The following DPP6 variants were observed in gnomAD, a reference collection of about 807,000 sequenced individuals.
DPP6 encodes the protein A-type potassium channel modulatory protein DPP6.
A neutral mutation model predicts 122.6 loss-of-function variants in DPP6; 69 were observed. That is an observed-to-expected ratio of 0.56 (90% CI 0.46 to 0.69). The LOEUF (loss-of-function observed/expected upper bound fraction) is 0.69, where lower values mean the gene tolerates loss of function less well. DPP6 is among the 30% of genes least tolerant of loss of function. The pLI is 0.00. For synonymous variants in DPP6, 418 were observed against 433.1 expected (o/e 0.97, Z 0.43); for missense variants, 928 against 1,116.9 (o/e 0.83, Z 2.41).
chr7:154,661,098 G>A (rs868020702), intron 6 of DPP6, among the ~76,000 whole-genome samples: 69 of 394 alleles, frequency 0.18, no homozygotes, highest in South Asian at 0.33. Context: ...TCACCATGGC[G>A]TATTGGCGCT....
chr7:154,153,951 A>G (rs1585503284), intron 1 of DPP6, among the ~76,000 whole-genome samples: 1 of 152,252 alleles, frequency 6.6e-6, no homozygotes, highest in Admixed American at 6.5e-5. Context: ...CTTTGGTTAG[A>G]GCATTTAGAG....
chr7:154,713,904 T>C (rs1170095495), intron 7 of DPP6, among the ~76,000 whole-genome samples: 1 of 152,234 alleles, frequency 6.6e-6, no homozygotes, highest in Non-Finnish European at 1.5e-5. Flanking sequence ...TATCGCATCA[T>C]CAGATGGCAA....
chr7:153,765,541 TAAAAAAACAAAAA>T, the DPP6 span, among the ~76,000 whole-genome samples: 25 of 102,712 alleles, frequency 2.4e-4, no homozygotes, highest in Non-Finnish European at 3.4e-4. Flanking sequence ...AAACTTCATG[TAAAAAAACAAAAA>T]AAAAAAACAG....
At chr7:153,894,557 T>C (rs1363497164) in intron 1 of DPP6, among the ~76,000 whole-genome samples, 1 of 152,146 alleles carries the variant, frequency 6.6e-6, no homozygotes, top group Non-Finnish European at 1.5e-5. Flanking sequence ...GGCTGAACAG[T>C]AGAATCAGCT....
chr7:154,679,443 C>G (rs1839145826), intron 7 of DPP6, among the ~76,000 whole-genome samples: 1 of 152,124 alleles, frequency 6.6e-6, no homozygotes, highest in Non-Finnish European at 1.5e-5. Context: ...TGCATCCGGT[C>G]CGCAGTTCCC....
intron 1 of DPP6, among the ~76,000 whole-genome samples, chr7:154,341,296 T>G (rs1474111317): frequency 6.6e-6 from 1 of 152,176 alleles, no homozygotes; most frequent in Non-Finnish European, 1.5e-5. Flanking sequence ...CAGGCTGCGG[T>G]GTCTGGCTCT....
At chr7:153,936,120 T>C (rs17339057) in intron 1 of DPP6, among the ~76,000 whole-genome samples, 2,108 of 152,324 alleles carry the variant, frequency 0.014, 29 homozygotes, top group Middle Eastern at 0.082. Context: ...TGCGCTCTAA[T>C]ACTCCCTAGA....
intron 1 of DPP6, among the ~76,000 whole-genome samples, chr7:154,425,626 GTGTGT>G (rs1563648866): frequency 1.4e-4 from 20 of 141,560 alleles, no homozygotes; most frequent in East Asian, 6.2e-4. Context: ...GTGTGGGTGT[GTGTGT>G]GTGTGTGTGT....
intron 6 of DPP6, among the ~76,000 whole-genome samples, chr7:154,665,483 C>A (rs76467461): frequency 0.036 from 5,511 of 152,178 alleles, 188 homozygotes; most frequent in Non-Finnish European, 0.047. Flanking sequence ...TCTCAATAAA[C>A]CCCTATTTTT....
In DPP6 at chr7:154,522,133, T is replaced by TTTG. The variant is rs1206151784; in HGVS notation, c.458-18385_458-18383dup. ...CACCTGCCACCACGCCCGGCTAATT[T>TTTG]TTGTTGTTGTTGTTGTATGTTTAGT... On this transcript the variant is annotated intron_variant, in intron 3 of 25. Coordinates refer to ENST00000377770, the MANE Select transcript of DPP6 (RefSeq NM_130797.4). 1.2e-4 allele frequency among the ~76,000 whole-genome samples: 18 copies of TTTG among 152,030 alleles called. No homozygotes were observed. In the East Asian group the frequency reaches 1.7e-3, roughly 15 times the overall value.
chr7:154,572,737 T>C (rs1831209622), intron 5 of DPP6, among the ~76,000 whole-genome samples: 1 of 150,266 alleles, frequency 6.7e-6, no homozygotes, highest in Non-Finnish European at 1.5e-5. Flanking sequence ...TGGAGTGCAG[T>C]GGCACGATCT....
chr7:154,779,362 CACT>C (rs1375336820), intron 10 of DPP6, among the ~76,000 whole-genome samples: 2 of 151,532 alleles, frequency 1.3e-5, no homozygotes, highest in Non-Finnish European at 2.9e-5. Context: ...CCACCACCAC[CACT>C]GTCAGCTCTC....
intron 8 of DPP6, among the ~76,000 whole-genome samples, chr7:154,752,374 G>C (rs550516763): frequency 1.3e-4 from 20 of 152,260 alleles, no homozygotes. Context: ...AGGACCATGG[G>C]CTGTGACTGG....
At chr7:154,168,082 G>T (rs1434859629) in intron 1 of DPP6, among the ~76,000 whole-genome samples, 2 of 152,180 alleles carry the variant, frequency 1.3e-5, no homozygotes, top group Admixed American at 1.3e-4. Flanking sequence ...GGTGGCTGAA[G>T]ATAACACCGG....
chr7:153,871,580 C>A, the DPP6 span, among the ~76,000 whole-genome samples: 1 of 152,198 alleles, frequency 6.6e-6, no homozygotes. Context: ...AAAGGGAGTT[C>A]CCTGACCCCT....
intron 1 of DPP6, among the ~76,000 whole-genome samples, chr7:154,177,774 G>T (rs1224762829): frequency 6.6e-6 from 1 of 152,228 alleles, no homozygotes; most frequent in Non-Finnish European, 1.5e-5. Context: ...CCAGTACTAG[G>T]AGTAATACGG....
chr7:154,270,376 A>G (rs1225333141), intron 1 of DPP6, among the ~76,000 whole-genome samples: 1 of 152,194 alleles, frequency 6.6e-6, no homozygotes, highest in African/African-American at 2.4e-5. Context: ...TTTAGAATGG[A>G]TAGAAGGAAA....
chr7:154,342,235 C>T (rs1051558532), intron 1 of DPP6, among the ~76,000 whole-genome samples: 2 of 152,138 alleles, frequency 1.3e-5, no homozygotes. Flanking sequence ...TCAGCAGCCC[C>T]AGGATATCTG....
intron 1 of DPP6, among the ~76,000 whole-genome samples, chr7:153,968,367 G>T (rs1329219835): frequency 6.6e-6 from 1 of 152,102 alleles, no homozygotes; most frequent in Non-Finnish European, 1.5e-5. Flanking sequence ...TTTGAGACAT[G>T]TCTGTTCATA....
Sources: gnomAD v4.1 joint callset for allele counts (sites outside exome capture counted in the v4.1 genomes callset) on GRCh38, gnomAD v4.1.1 for gene constraint, MANE v1.5 for transcripts, NCBI Gene and HGNC (gene_info 2026-07-23, HGNC 2026-07-21) for gene names.